ENAH: variants seen among roughly 807,000 people sequenced by gnomAD.
ENAH encodes the protein ENAH actin regulator.
Under a neutral mutation model 78.7 loss-of-function variants are expected in ENAH, and 23 were observed. That is an observed-to-expected ratio of 0.29 (90% CI 0.21 to 0.41). The LOEUF (loss-of-function observed/expected upper bound fraction) is 0.41, where lower values mean the gene tolerates loss of function less well. Among genes scored for constraint, ENAH ranks in the 10% least tolerant of loss-of-function variants. The probability of loss-of-function intolerance (pLI) is 1.00; values close to 1 mark genes in which losing one functional copy is unlikely to be tolerated. For missense variants in ENAH, 544 were observed against 691.0 expected, an observed-to-expected ratio of 0.79 and a Z score of 2.39; for synonymous variants, 226 against 241.0, an observed-to-expected ratio of 0.94 and a Z score of 0.58.
chr1:225,542,188 T>C (rs1267723295), intron 3 of ENAH, among the ~76,000 whole-genome samples: 1 of 152,214 alleles, frequency 6.6e-6, no homozygotes. Flanking sequence ...AGCCTAGCTC[T>C]AGTTTCTAAC....
At chr1:225,653,874 A>G (rs1663503396), upstream of ENAH, among the ~76,000 whole-genome samples, 1 of 152,186 alleles carries the variant, frequency 6.6e-6, no homozygotes, top group Non-Finnish European at 1.5e-5. The surrounding 1 kb of genome is among the most constrained non-coding windows in gnomAD (Gnocchi z 4.3). Context: ...TTTCTTCCCG[A>G]GGAATCCCAG....
At chr1:225,578,423 T>C (rs1164901087) in intron 1 of ENAH, among the ~76,000 whole-genome samples, 2 of 152,178 alleles carry the variant, frequency 1.3e-5, no homozygotes, top group African/African-American at 4.8e-5. Context: ...TACAGTGAGC[T>C]ATTACTGAGC....
At chr1:225,554,835 C>G (rs2096658738) in intron 3 of ENAH, 71 bp downstream of exon 3, 7 of 1,305,106 alleles carry the variant, frequency 5.4e-6, no homozygotes, top group Non-Finnish European at 7.2e-6. Context: ...TTCAAGAATA[C>G]AAGTAAATCT....
chr1:225,649,228 A>G (rs947546084), intron 1 of ENAH, among the ~76,000 whole-genome samples: 2 of 152,156 alleles, frequency 1.3e-5, no homozygotes, highest in African/African-American at 4.8e-5. Flanking sequence ...GGCTTGGACA[A>G]ATCCTCATAA....
chr1:225,576,862 C>G (rs2151581366), intron 1 of ENAH, among the ~76,000 whole-genome samples: 1 of 152,296 alleles, frequency 6.6e-6, no homozygotes, highest in Admixed American at 6.5e-5. Flanking sequence ...GGGCCAGGCA[C>G]AGTGGCTCAC....
Position 225,519,427 on chromosome 1 carries a change from C to T in ENAH, c.573G>A (p.Leu191=). Residue 191 remains leucine, a synonymous_variant, in exon 5 of 14, where the codon CTG becomes CTA. Transcript: ENST00000366843. ...LERERLEQEQ[L]ERERQERERQ... ...GTTCCCGTTCTTGTCTCTCTCTCTCCAGCTGTTCTTGTTCCAGTCGCTCCC... is the reference window on the plus strand; with the variant it reads ...GTTCCCGTTCTTGTCTCTCTCTCTCTAGCTGTTCTTGTTCCAGTCGCTCCC... 1 of 1,613,242 alleles carries T rather than the reference C, an allele frequency of 6.2e-7. No individual in the cohort carries two copies. Among genetic ancestry groups the T allele is most frequent in the Non-Finnish European group, 8.5e-7 (1 of 1,179,772 alleles).
At chr1:225,525,890 G>C (rs2096500283) in intron 4 of ENAH, among the ~76,000 whole-genome samples, 1 of 152,022 alleles carries the variant, frequency 6.6e-6, no homozygotes, top group Non-Finnish European at 1.5e-5. Context: ...TTGGTGGGAG[G>C]TCTTTGTTTT....
At chr1:225,589,330 T>C (rs140726855) in intron 1 of ENAH, among the ~76,000 whole-genome samples, 54 of 152,304 alleles carry the variant, frequency 3.5e-4, no homozygotes, top group African/African-American at 1.2e-3. Flanking sequence ...ATAAGCATTA[T>C]TGAACCCTAG....
chr1:225,517,373 G>A (rs1357529258), intron 5 of ENAH, 67 bp from the exon 6 acceptor site: 2 of 1,551,650 alleles, frequency 1.3e-6, no homozygotes, highest in East Asian at 2.4e-5. Context: ...GTGCTTGGAG[G>A]AGGAGAAGCT....
At chr1:225,538,088 T>A (rs1202661219) in intron 3 of ENAH, among the ~76,000 whole-genome samples, 2 of 152,166 alleles carry the variant, frequency 1.3e-5, no homozygotes, top group East Asian at 3.8e-4. Flanking sequence ...TTGAATCTGA[T>A]TTGCATTCTC....
rs1347016054 is a variant in ENAH at position 225,488,492 on chromosome 1, C to G, written c.*9283G>C. ...GACTTTCAGGATGCTCCTATAAATA[C>G]AGACTCCAGAGAGGTTTCCTCAAAA... On this transcript the variant is annotated 3_prime_UTR_variant, in exon 14 of 14. Transcript: ENST00000366843. 1.3e-5 allele frequency: 2 copies of G among 152,096 alleles called. No individual in the cohort carries two copies. Among genetic ancestry groups the G allele is most frequent in the African/African-American group, 4.8e-5 (2 of 41,416 alleles). 9.4% of individuals were successfully genotyped at this position (152,096 alleles called of 1,614,324 possible). A position where few individuals can be genotyped will look rare whatever the true frequency, so the allele number is the denominator to read the frequency against.
chr1:225,497,889 C>T, intron 13 of ENAH, 77 bp from the exon 14 acceptor site: 2 of 1,336,286 alleles, frequency 1.5e-6, no homozygotes, highest in Non-Finnish European at 2.1e-6. Flanking sequence ...TCCTAAGAAA[C>T]TTTAAGGATT....
rs547584715 is a variant in ENAH, at chr1:225,598,851, C to CAAA, written c.6-31440_6-31438dup. On this transcript the variant is annotated intron_variant, in intron 1 of 13. Coordinates refer to ENST00000366843, the MANE Select transcript of ENAH (RefSeq NM_018212.6). ...CTACTATAATAATATTTGATTCAGG[C>CAAA]AAAAAAAAAAAATCAACGGGTGCTA... Among the ~76,000 whole-genome samples, 25 of 139,234 alleles carry CAAA rather than the reference C, an allele frequency of 1.8e-4. No homozygotes were observed. The Middle Eastern group carries it at 0.011, about 62-fold the overall frequency. 91.3% of individuals were successfully genotyped at this position (139,234 alleles called of 152,430 possible).
At chr1:225,506,922 G>A (rs376381750) in intron 11 of ENAH, among the ~76,000 whole-genome samples, 4 of 151,774 alleles carry the variant, frequency 2.6e-5, no homozygotes, top group East Asian at 3.9e-4. Flanking sequence ...TGCTTTTTAC[G>A]AGACAAAAAT....
chr1:225,581,187 C>G, intron 1 of ENAH: 1 of 736,568 alleles, frequency 1.4e-6, no homozygotes, highest in Non-Finnish European at 1.7e-6. Flanking sequence ...CACATACTTC[C>G]CTATCTTAAT....
intron 1 of ENAH, among the ~76,000 whole-genome samples, chr1:225,593,761 A>G (rs887838911): frequency 4.6e-5 from 7 of 152,210 alleles, no homozygotes; most frequent in African/African-American, 1.4e-4. Flanking sequence ...ACCGCATGAC[A>G]TTCAAAAGAT....
At chr1:225,566,719 T>G (rs2096736676) in intron 2 of ENAH, among the ~76,000 whole-genome samples, 1 of 152,234 alleles carries the variant, frequency 6.6e-6, no homozygotes, top group African/African-American at 2.4e-5. Context: ...CCAGCTACTT[T>G]CTAAGAAATC....
chr1:225,534,708 G>A (rs2096553487), intron 3 of ENAH, among the ~76,000 whole-genome samples: 1 of 152,018 alleles, frequency 6.6e-6, no homozygotes, highest in Non-Finnish European at 1.5e-5. Flanking sequence ...TCTTTTCAAA[G>A]CTCAAGTAAT....
intron 1 of ENAH, among the ~76,000 whole-genome samples, chr1:225,641,590 T>C (rs1558952194): frequency 6.6e-6 from 1 of 151,894 alleles, no homozygotes; most frequent in Non-Finnish European, 1.5e-5. Context: ...AAACTCAGTA[T>C]TACCGAAGAT....
Sources: allele counts gnomAD v4.1 joint callset (sites outside exome capture counted in the v4.1 genomes callset), GRCh38; gene constraint gnomAD v4.1.1; non-coding constraint Gnocchi (gnomAD v3.1); transcripts MANE v1.5; gene names NCBI Gene and HGNC (gene_info 2026-07-23, HGNC 2026-07-21).